Variants in CADM2 observed in about 807,000 individuals in gnomAD.
CADM2 encodes the protein immunoglobulin superfamily member 4D.
Under a neutral mutation model 49.8 loss-of-function variants are expected in CADM2, and 12 were observed. The observed-to-expected ratio is 0.24, with a 90% CI of 0.15 to 0.39. The LOEUF is 0.39. CADM2 is among the 10% of genes least tolerant of loss of function. The pLI is 1.00. For missense variants in CADM2, 378 were observed against 492.3 expected (o/e 0.77, Z 2.20); for synonymous variants, 214 against 175.4 (o/e 1.22, Z -1.74).
chr3:85,395,982 T>C (rs1055732982), intron 1 of CADM2, among the ~76,000 whole-genome samples: 4 of 148,854 alleles, frequency 2.7e-5, no homozygotes, highest in African/African-American at 7.3e-5. Context: ...TGATAATTTA[T>C]AAAATAAATA....
intron 2 of CADM2, among the ~76,000 whole-genome samples, chr3:85,735,666 A>G (rs1464173672): frequency 6.6e-6 from 1 of 152,154 alleles, no homozygotes; most frequent in Non-Finnish European, 1.5e-5. Flanking sequence ...ATAGCACTGG[A>G]GGTAAAGTTA....
chr3:85,997,335 T>C (rs1045808735), intron 8 of CADM2, among the ~76,000 whole-genome samples: 1 of 152,228 alleles, frequency 6.6e-6, no homozygotes, highest in African/African-American at 2.4e-5. Flanking sequence ...TAATACTGTG[T>C]CCTTGATTAT....
At chr3:85,084,726 T>C (rs2037306005) in intron 1 of CADM2, among the ~76,000 whole-genome samples, 1 of 152,170 alleles carries the variant, frequency 6.6e-6, no homozygotes, top group Non-Finnish European at 1.5e-5. Context: ...AAATTATATA[T>C]GTGACTAGCA....
At chr3:85,560,512 G>A (rs567675470) in intron 1 of CADM2, among the ~76,000 whole-genome samples, 6 of 152,344 alleles carry the variant, frequency 3.9e-5, no homozygotes, top group Non-Finnish European at 8.8e-5. Context: ...ATGGCCATGG[G>A]AGTTGGCGCT....
chr3:85,682,354 G>A (rs906289914), intron 1 of CADM2, among the ~76,000 whole-genome samples: 6 of 151,814 alleles, frequency 4.0e-5, no homozygotes, highest in Non-Finnish European at 7.4e-5. Context: ...GAGGAAAGTC[G>A]ACTCTTTCCC....
intron 1 of CADM2, among the ~76,000 whole-genome samples, chr3:85,661,883 G>A (rs2065419276): frequency 6.6e-6 from 1 of 151,944 alleles, no homozygotes; most frequent in Non-Finnish European, 1.5e-5. Flanking sequence ...GGTAGAGACA[G>A]TAAATATAAA....
At chr3:85,413,858 G>A (rs1191052432) in intron 1 of CADM2, among the ~76,000 whole-genome samples, 1 of 151,540 alleles carries the variant, frequency 6.6e-6, no homozygotes, top group African/African-American at 2.4e-5. Context: ...TAGAAAACTG[G>A]CTAGCTATTT....
At chr3:85,939,890 A>G (rs1166980185) in intron 7 of CADM2, among the ~76,000 whole-genome samples, 1 of 150,274 alleles carries the variant, frequency 6.7e-6, no homozygotes, top group Non-Finnish European at 1.5e-5. Flanking sequence ...ATCACATACT[A>G]TATAGCAACT....
intron 1 of CADM2, among the ~76,000 whole-genome samples, chr3:85,030,863 G>A (rs890418712): frequency 6.6e-6 from 1 of 152,076 alleles, no homozygotes; most frequent in Admixed American, 6.5e-5. Context: ...TTTCCATCCT[G>A]TATCAGTCAT....
intron 1 of CADM2, among the ~76,000 whole-genome samples, chr3:85,155,585 A>G (rs1269314853): frequency 6.6e-6 from 1 of 152,026 alleles, no homozygotes; most frequent in Non-Finnish European, 1.5e-5. Flanking sequence ...CTGCATCAAG[A>G]GGACCTAATA....
chr3:85,303,134 A>T (rs1428238573), intron 1 of CADM2, among the ~76,000 whole-genome samples: 2 of 152,050 alleles, frequency 1.3e-5, no homozygotes, highest in African/African-American at 4.8e-5. Context: ...CTTTTCTCGT[A>T]GTATTAATTG....
intron 1 of CADM2, among the ~76,000 whole-genome samples, chr3:85,207,133 G>T (rs2041663804): frequency 6.6e-6 from 1 of 151,202 alleles, no homozygotes; most frequent in Admixed American, 6.6e-5. Flanking sequence ...TTTAGAGTTT[G>T]TTCATCATGT....
intron 1 of CADM2, among the ~76,000 whole-genome samples, chr3:85,453,635 A>G (rs181406102): frequency 9.5e-4 from 145 of 152,270 alleles, no homozygotes; most frequent in African/African-American, 3.5e-3. Context: ...AGAATGGAAA[A>G]TTACTGTACG....
At chr3:86,029,231 A>G (rs1325358283) in intron 8 of CADM2, among the ~76,000 whole-genome samples, 1 of 152,162 alleles carries the variant, frequency 6.6e-6, no homozygotes, top group African/African-American at 2.4e-5. Flanking sequence ...TAACATGATC[A>G]TAATTGTCCT....
intron 1 of CADM2, among the ~76,000 whole-genome samples, chr3:85,018,499 G>C (rs1044884269): frequency 2.0e-5 from 3 of 151,886 alleles, no homozygotes; most frequent in Non-Finnish European, 2.9e-5. Context: ...TGCCTCAGGC[G>C]CCCGCCACCA....
chr3:85,955,697 C>A (rs1413834267), intron 7 of CADM2, among the ~76,000 whole-genome samples: 2 of 151,344 alleles, frequency 1.3e-5, no homozygotes, highest in Non-Finnish European at 1.5e-5. Context: ...AAATAAAAAT[C>A]AACATCTGAG....
chr3:85,448,722 TAC>T, intron 1 of CADM2, among the ~76,000 whole-genome samples: 1 of 152,134 alleles, frequency 6.6e-6, no homozygotes, highest in Non-Finnish European at 1.5e-5. Context: ...GTCTCAGTAC[TAC>T]CTGAGTTCTC....
intron 1 of CADM2, among the ~76,000 whole-genome samples, chr3:85,490,155 C>T (rs1337136472): frequency 6.6e-6 from 1 of 151,690 alleles, no homozygotes; most frequent in African/African-American, 2.4e-5. Context: ...TTATTTAATT[C>T]TCGCAGAAAT....
At chr3:85,114,460 C>A (rs1007784271) in intron 1 of CADM2, among the ~76,000 whole-genome samples, 4 of 152,154 alleles carry the variant, frequency 2.6e-5, no homozygotes, top group African/African-American at 9.7e-5. Context: ...TGGTTGTATA[C>A]TGTCTTCAGA....
Sources: gnomAD v4.1 joint callset for allele counts (sites outside exome capture counted in the v4.1 genomes callset) on GRCh38, gnomAD v4.1.1 for gene constraint, MANE v1.5 for transcripts, NCBI Gene and HGNC (gene_info 2026-07-23, HGNC 2026-07-21) for gene names.